WDR17: variants seen among roughly 807,000 people sequenced by gnomAD.
The protein encoded by WDR17 is WD repeat domain 17.
Under a neutral mutation model 161.7 loss-of-function variants are expected in WDR17, and 143 were observed. That is an observed-to-expected ratio of 0.88 (90% CI 0.77 to 1.02). The LOEUF is 1.02. Among genes scored for constraint, WDR17 ranks in the 50% least tolerant of loss-of-function variants. WDR17 has a pLI of 0.00. For missense variants in WDR17, 1,469 were observed against 1,520.9 expected (o/e 0.97, Z 0.57); for synonymous variants, 517 against 515.6 (o/e 1.00, Z -0.04).
intron 1 of WDR17, among the ~76,000 whole-genome samples, chr4:176,068,831 TGAAGA>T (rs1346269063): frequency 3.9e-5 from 6 of 152,180 alleles, no homozygotes; most frequent in Non-Finnish European, 8.8e-5. Context: ...TACGGATACC[TGAAGA>T]GAATTTTAGA....
intron 9 of WDR17, among the ~76,000 whole-genome samples, chr4:176,138,389 A>C: frequency 6.6e-6 from 1 of 151,648 alleles, no homozygotes; most frequent in East Asian, 1.9e-4. Flanking sequence ...CTCCCCCACT[A>C]CTTGTAGTAG....
At chr4:176,172,719 G>A (rs964534469) in intron 24 of WDR17, among the ~76,000 whole-genome samples, 1 of 152,186 alleles carries the variant, frequency 6.6e-6, no homozygotes, top group Non-Finnish European at 1.5e-5. Flanking sequence ...TCAGCTTCAG[G>A]TGAGGCCTCA....
chr4:176,146,544 C>CT (rs1346752329), intron 12 of WDR17, among the ~76,000 whole-genome samples: 1 of 152,152 alleles, frequency 6.6e-6, no homozygotes, highest in African/African-American at 2.4e-5. Context: ...AGATGCTGCG[C>CT]TGCAGCCTGG....
At chr4:176,166,873 G>T (rs997746494) in intron 22 of WDR17, among the ~76,000 whole-genome samples, 4 of 151,866 alleles carry the variant, frequency 2.6e-5, no homozygotes, top group African/African-American at 9.7e-5. Flanking sequence ...AATGGCTAGA[G>T]GAAAATAATA....
intron 17 of WDR17, among the ~76,000 whole-genome samples, chr4:176,154,007 G>A (rs1747658241): frequency 6.6e-6 from 1 of 152,082 alleles, no homozygotes; most frequent in Non-Finnish European, 1.5e-5. Context: ...ATAAATTTTG[G>A]TACAACAGTG....
chr4:176,125,301 T>G lies in WDR17; in HGVS notation c.736T>G (p.Ser246Ala), dbSNP rs1742274446. ...ATTTAATCTTCCCAGTGCAGCAGCT[T>G]CTGTACAGTGCTTAGCCTGGGTTCC... ...TTFNLPSAAA[S>A]VQCLAWVPSA... Residue 246 changes from serine (S) to alanine (A), a missense_variant, in exon 5 of 29, where the codon TCT becomes GCT. Ser to Ala is a moderately conservative substitution (Grantham distance 99). Transcript: ENST00000508596. 1 of 1,614,178 alleles carries G rather than the reference T, an allele frequency of 6.2e-7. No individual in the cohort carries two copies.
chr4:176,116,921 A>C (rs943597546), intron 3 of WDR17, among the ~76,000 whole-genome samples: 3 of 151,854 alleles, frequency 2.0e-5, no homozygotes, highest in Admixed American at 6.6e-5. Flanking sequence ...GTAATACATA[A>C]ATTTTATTAC....
chr4:176,093,851 A>G (rs1044736500), intron 1 of WDR17, among the ~76,000 whole-genome samples: 1 of 152,186 alleles, frequency 6.6e-6, no homozygotes, highest in South Asian at 2.1e-4. Context: ...TACAACAACA[A>G]AAGTATTTTT....
chr4:176,134,131 T>G (rs1228129169), intron 7 of WDR17, among the ~76,000 whole-genome samples: 1 of 151,692 alleles, frequency 6.6e-6, no homozygotes, highest in Non-Finnish European at 1.5e-5. Flanking sequence ...GATTTTTCTT[T>G]CCTTTACCTC....
At chr4:176,141,136 C>T (rs1216107644) in intron 10 of WDR17, among the ~76,000 whole-genome samples, 2 of 151,908 alleles carry the variant, frequency 1.3e-5, no homozygotes, top group Non-Finnish European at 2.9e-5. Flanking sequence ...TAATAATAGA[C>T]TAGGATAGTA....
At chr4:176,128,626 C>A in intron 5 of WDR17, 112 bp from the exon 6 acceptor site, 1 of 1,014,250 alleles carries the variant, frequency 9.9e-7, no homozygotes, top group Non-Finnish European at 1.5e-6. Context: ...AAAAGGATGT[C>A]AGTAATTAGT....
In WDR17 at chr4:176,160,935, C is replaced by A; in HGVS notation, c.2683C>A (p.Pro895Thr). 6.2e-7 allele frequency: 1 copy of A among 1,607,028 alleles called. No individual in the cohort carries two copies. Among genetic ancestry groups the A allele is most frequent in the South Asian group, 1.1e-5 (1 of 88,806 alleles). The change falls in exon 20 of 29, where the codon CCC (proline) becomes ACC (threonine). Residue 895 changes from proline to threonine, a missense_variant. Physicochemically the swap from Pro to Thr is conservative, Grantham distance 38. Transcript: ENST00000508596. ...AQAACEGNMQ[P>T]LHVSVPKGAS... The stretch of plus-strand genomic sequence containing the variant: ...GGCTGCTTGTGAAGGAAATATGCAG[C>A]CCTTACATGTTTCCGTGCCTAAAGG...
In WDR17 at chr4:176,179,671, G is replaced by C; in HGVS notation, c.*92G>C. ...TAATCTTTGTTGCTCAAGTGCCAGA[G>C]GTTGGGAGAAGGATTGCAGGTTGGG... On this transcript the variant is annotated 3_prime_UTR_variant, in exon 29 of 29. Transcript: ENST00000508596. 1.5e-6 allele frequency: 2 copies of C among 1,302,134 alleles called. No individual in the cohort carries two copies. Among genetic ancestry groups the C allele is most frequent in the Non-Finnish European group, 2.0e-6 (2 of 1,002,960 alleles). The allele number at this position is 1,302,134 out of a possible 1,614,324, so 80.7% of individuals were successfully genotyped here.
intron 1 of WDR17, among the ~76,000 whole-genome samples, chr4:176,103,261 C>G (rs1384241729): frequency 6.6e-6 from 1 of 151,932 alleles, no homozygotes; most frequent in African/African-American, 2.4e-5. Context: ...ATGTTTATAC[C>G]TGAGGATGAT....
Position 176,160,077 on chromosome 4 carries a change from A to G in WDR17, c.2609A>G (p.His870Arg). The G allele has an allele frequency of 6.2e-7, 1 of 1,613,822 alleles. No homozygotes were observed. Among genetic ancestry groups the G allele is most frequent in the Non-Finnish European group, 8.5e-7 (1 of 1,179,838 alleles). The part of the protein sequence containing the change: ...IAIGDVKKLV[H>R]FFMSRGQLKE... ...ATTGGTGATGTGAAAAAGCTAGTCC[A>G]TTTTTTCATGTCAAGAGGTCAGCTT... Residue 870 changes from histidine to arginine, a missense_variant, in exon 19 of 29, where the codon CAT (histidine) becomes CGT (arginine). Coordinates refer to ENST00000508596, the MANE Select transcript of WDR17 (RefSeq NM_181265.4).
At chr4:176,136,054 A>C (rs1183859402) in intron 8 of WDR17, among the ~76,000 whole-genome samples, 1 of 151,636 alleles carries the variant, frequency 6.6e-6, no homozygotes, top group Non-Finnish European at 1.5e-5. Flanking sequence ...AATCTCTGAG[A>C]AATTTATGAA....
At chr4:176,117,226 C>T (rs1348786893) in intron 3 of WDR17, among the ~76,000 whole-genome samples, 1 of 151,994 alleles carries the variant, frequency 6.6e-6, no homozygotes, top group Non-Finnish European at 1.5e-5. Flanking sequence ...TCAATTAAGA[C>T]TTTTCATATC....
At chr4:176,073,564 T>TA (rs1306411084) in intron 1 of WDR17, among the ~76,000 whole-genome samples, 1 of 151,710 alleles carries the variant, frequency 6.6e-6, no homozygotes, top group African/African-American at 2.4e-5. Flanking sequence ...GCAATAAACA[T>TA]ACGTGTGCAT....
intron 1 of WDR17, among the ~76,000 whole-genome samples, chr4:176,095,221 G>T (rs928854290): frequency 2.6e-5 from 4 of 152,156 alleles, no homozygotes; most frequent in African/African-American, 9.7e-5. Flanking sequence ...GATAAGGCAG[G>T]CGATTAAAAA....
Sources: allele counts gnomAD v4.1 joint callset (sites outside exome capture counted in the v4.1 genomes callset), GRCh38; gene constraint gnomAD v4.1.1; transcripts MANE v1.5; gene names NCBI Gene and HGNC (gene_info 2026-07-23, HGNC 2026-07-21).